PTPRD: variants seen among roughly 807,000 people sequenced by gnomAD.
The protein encoded by PTPRD is protein tyrosine phosphatase receptor type D.
A neutral mutation model predicts 214.5 loss-of-function variants in PTPRD; 34 were observed. That is an observed-to-expected ratio of 0.16 (90% CI 0.12 to 0.21). The LOEUF (loss-of-function observed/expected upper bound fraction) is 0.21. PTPRD is among the 10% of genes least tolerant of loss of function. PTPRD has a pLI of 1.00. For synonymous variants in PTPRD, 1,128 were observed against 845.7 expected (o/e 1.33, Z -5.79); for missense variants, 2,545 against 2,398.7 (o/e 1.06, Z -1.27).
intron 11 of PTPRD, among the ~76,000 whole-genome samples, chr9:8,941,467 A>G (rs992135536): frequency 6.6e-6 from 1 of 152,170 alleles, no homozygotes; most frequent in East Asian, 1.9e-4. Flanking sequence ...AGAGCAGTAT[A>G]TGGGTCCTGG....
chr9:8,701,085 C>T (rs1379514297), intron 12 of PTPRD, among the ~76,000 whole-genome samples: 4 of 151,724 alleles, frequency 2.6e-5, no homozygotes, highest in South Asian at 2.1e-4. Context: ...CACTTGAACC[C>T]GGGAGGTGGA....
rs538675940 is a variant in PTPRD, at chr9:10,241,406, C to A, written c.-545+99557G>T. On this transcript the variant is annotated intron_variant, in intron 3 of 45. Transcript: ENST00000381196. ...ATTCAAAGACTTGTAAATAAACGTTCATAGAAGCTTTGTCTGTAATAGCCA... is the reference window on the plus strand; with the variant it reads ...ATTCAAAGACTTGTAAATAAACGTTAATAGAAGCTTTGTCTGTAATAGCCA... Among the ~76,000 whole-genome samples, 4 of 152,016 alleles carry A rather than the reference C, an allele frequency of 2.6e-5. No homozygotes were observed. The East Asian group carries it at 7.8e-4, about 30-fold the overall frequency.
chr9:10,574,029 A>T (rs921691760), intron 2 of PTPRD, among the ~76,000 whole-genome samples: 12 of 152,178 alleles, frequency 7.9e-5, no homozygotes, highest in Non-Finnish European at 1.5e-4. Context: ...GCCAAGGAAG[A>T]ATTCCGAATG....
intron 7 of PTPRD, among the ~76,000 whole-genome samples, chr9:9,643,669 A>G (rs979933990): frequency 4.6e-5 from 7 of 152,200 alleles, no homozygotes; most frequent in African/African-American, 1.7e-4. Flanking sequence ...TTTCTAAATT[A>G]AAAAGCTTGA....
Position 8,733,959 on chromosome 9 carries a change from A to C in PTPRD, c.-103-13T>G. 1.9e-6 allele frequency: 2 copies of C among 1,045,704 alleles called. No homozygotes were observed. Among genetic ancestry groups the C allele is most frequent in the East Asian group, 5.2e-5 (2 of 38,350 alleles). 64.8% of individuals were successfully genotyped at this position (1,045,704 alleles called of 1,614,324 possible). ...ACACTTTCAGAGCCTGAAAGCGGGG[A>C]GGAAGAGAAAAGAAAAGGAAGAAAA... On this transcript the variant is annotated splice_polypyrimidine_tract_variant and intron_variant, in intron 11 of 45. Transcript: ENST00000381196.
intron 7 of PTPRD, among the ~76,000 whole-genome samples, chr9:9,695,391 G>C (rs1286649334): frequency 1.3e-5 from 2 of 152,106 alleles, no homozygotes; most frequent in Non-Finnish European, 2.9e-5. Flanking sequence ...GCTATGAGCT[G>C]GGTTGCCTGA....
chr9:9,703,601 T>G (rs2097542210), intron 7 of PTPRD, among the ~76,000 whole-genome samples: 1 of 152,152 alleles, frequency 6.6e-6, no homozygotes. Flanking sequence ...AGCATATTAA[T>G]TTAAATAATA....
intron 9 of PTPRD, among the ~76,000 whole-genome samples, chr9:9,301,947 T>C (rs930865840): frequency 6.6e-6 from 1 of 151,918 alleles, no homozygotes; most frequent in Non-Finnish European, 1.5e-5. Context: ...ATTTGTTTGT[T>C]GATTTGCTAT....
chr9:10,091,103 G>GA (rs1590898079), intron 3 of PTPRD, among the ~76,000 whole-genome samples: 1 of 150,896 alleles, frequency 6.6e-6, no homozygotes, highest in Admixed American at 6.6e-5. Context: ...TTCTTAACAG[G>GA]AAAAAATTAA....
chr9:8,844,379 T>C (rs1422583150), intron 11 of PTPRD, among the ~76,000 whole-genome samples: 5 of 152,208 alleles, frequency 3.3e-5, no homozygotes, highest in Non-Finnish European at 7.3e-5. Flanking sequence ...CCTCTTAATA[T>C]ATTTTAAAAA....
At chr9:9,902,329 C>A (rs2076596938) in intron 5 of PTPRD, among the ~76,000 whole-genome samples, 2 of 152,036 alleles carry the variant, frequency 1.3e-5, no homozygotes, top group South Asian at 2.1e-4. Context: ...TCGTGTAAAC[C>A]AAAGAAATGA....
chr9:8,496,183 CACACACACACACACACACACACACACAA>C (rs1240902847), intron 26 of PTPRD, among the ~76,000 whole-genome samples: 2 of 144,856 alleles, frequency 1.4e-5, no homozygotes, highest in Admixed American at 7.1e-5. Context: ...CACACACACA[CACACACACACACACACACACACACACAA>C]ACACACACAC....
At position 10,525,950 on chromosome 9, in the gene PTPRD, C is replaced by T. The variant is rs191361091; in HGVS notation, c.-600+86448G>A. Among the ~76,000 whole-genome samples the T allele has an allele frequency of 4.6e-5, 7 of 152,050 alleles. No individual in the cohort carries two copies. The East Asian group carries it at 5.8e-4, about 13-fold the overall frequency. On this transcript the variant is annotated intron_variant, in intron 2 of 45. Transcript: ENST00000381196. The stretch of plus-strand genomic sequence containing the variant: ...CCAAGACATAGTTACTAACCTCATG[C>T]GGTTATTTACATTTAAATTAATTAA...
chr9:10,156,078 T>TTGTG (rs71485323), intron 3 of PTPRD, among the ~76,000 whole-genome samples: 4,251 of 132,560 alleles, frequency 0.032, 79 homozygotes, highest in East Asian at 0.082. Context: ...TTTTGAATGT[T>TTGTG]TGTGTGTGTG....
intron 2 of PTPRD, among the ~76,000 whole-genome samples, chr9:10,455,248 A>AC (rs1382345828): frequency 6.6e-6 from 1 of 151,582 alleles, no homozygotes; most frequent in Non-Finnish European, 1.5e-5. Context: ...TCATTACTTT[A>AC]CGTGAAAGAA....
At chr9:8,444,200 A>C (rs1590660148) in intron 34 of PTPRD, among the ~76,000 whole-genome samples, 1 of 152,198 alleles carries the variant, frequency 6.6e-6, no homozygotes, top group Non-Finnish European at 1.5e-5. Flanking sequence ...ATGAGTAATA[A>C]CCTAGCCTCC....
chr9:10,385,971 C>T (rs925863567), intron 2 of PTPRD, among the ~76,000 whole-genome samples: 7 of 151,646 alleles, frequency 4.6e-5, no homozygotes, highest in African/African-American at 1.7e-4. Context: ...ATCTTTTGAA[C>T]AATTATTTCT....
At chr9:9,298,785 G>C (rs1954112929) in intron 9 of PTPRD, among the ~76,000 whole-genome samples, 1 of 151,640 alleles carries the variant, frequency 6.6e-6, no homozygotes, top group South Asian at 2.1e-4. Context: ...ATAATTAGAA[G>C]TCAAACCATT....
chr9:8,755,219 A>T (rs77590332), intron 11 of PTPRD, among the ~76,000 whole-genome samples: 1 of 137,570 alleles, frequency 7.3e-6, no homozygotes, highest in Admixed American at 7.3e-5. Flanking sequence ...TGTTATTATT[A>T]AAAAAAAAAA....
Sources: allele counts gnomAD v4.1 joint callset (sites outside exome capture counted in the v4.1 genomes callset), GRCh38; gene constraint gnomAD v4.1.1; transcripts MANE v1.5; gene names NCBI Gene and HGNC (gene_info 2026-07-23, HGNC 2026-07-21).